Variants in RORA observed in about 807,000 individuals in gnomAD.
The protein encoded by RORA is nuclear receptor ROR-alpha.
In RORA, 7 loss-of-function variants were observed where a neutral mutation model predicts 69.5. The ratio of observed to expected loss-of-function variants is 0.10; its 90% CI spans 0.06 to 0.19. The LOEUF (loss-of-function observed/expected upper bound fraction) is 0.19, where lower values mean the gene tolerates loss of function less well. RORA is among the 10% of genes least tolerant of loss of function. RORA has a pLI of 1.00. For synonymous variants in RORA, 261 were observed against 240.8 expected (o/e 1.08, Z -0.78); for missense variants, 457 against 663.0 (o/e 0.69, Z 3.41).
At position 60,961,207 on chromosome 15, in the gene RORA, G is replaced by A. The variant is rs146311530; in HGVS notation, c.166+267846C>T. Among the ~76,000 whole-genome samples the A allele has an allele frequency of 2.5e-3, 380 of 152,172 alleles. 3 individuals carry two copies. The highest frequency in any genetic ancestry group is 8.8e-3 in the African/African-American group (364 of 41,504). ...CATGTTGTGTCATGCTGATCTCTGT[G>A]TGCATGGATTCTGATTGGACTGTTA... is the stretch of plus-strand genomic sequence containing the variant. On this transcript the variant is annotated intron_variant, in intron 1 of 10. Coordinates refer to ENST00000335670, the MANE Select transcript of RORA (RefSeq NM_134261.3).
chr15:60,958,090 G>A (rs997908929), intron 1 of RORA, among the ~76,000 whole-genome samples: 3 of 152,066 alleles, frequency 2.0e-5, no homozygotes, highest in Non-Finnish European at 4.4e-5. Context: ...TCAGAAACCT[G>A]ACTATGGGAG....
intron 1 of RORA, among the ~76,000 whole-genome samples, chr15:61,091,651 C>T (rs534168067): frequency 6.6e-6 from 1 of 152,330 alleles, no homozygotes; most frequent in South Asian, 2.1e-4. Context: ...GAAGCATTCG[C>T]ATGATGCTCT....
intron 1 of RORA, among the ~76,000 whole-genome samples, chr15:60,748,344 C>T (rs1463945956): frequency 1.4e-5 from 2 of 144,970 alleles, no homozygotes; most frequent in Non-Finnish European, 3.0e-5. Flanking sequence ...CATAAGGAGA[C>T]ATAAATTAGT....
chr15:60,841,223 AC>A, intron 1 of RORA: 1 of 287,104 alleles, frequency 3.5e-6, no homozygotes, highest in East Asian at 1.7e-4. Context: ...GTGGCTGTGA[AC>A]CCTCTCGGGG....
intron 1 of RORA, among the ~76,000 whole-genome samples, chr15:60,787,386 C>A (rs1485571009): frequency 6.6e-6 from 1 of 152,216 alleles, no homozygotes; most frequent in Non-Finnish European, 1.5e-5. Flanking sequence ...CTAACTGTGG[C>A]ATTTCTTCAC....
chr15:61,085,897 TA>T (rs1442930225), intron 1 of RORA, among the ~76,000 whole-genome samples: 3 of 152,200 alleles, frequency 2.0e-5, no homozygotes, highest in Non-Finnish European at 4.4e-5. Context: ...CTTGCAGTTA[TA>T]AAACAGAAAC....
At chr15:61,144,768 G>A (rs1190642921) in intron 1 of RORA, among the ~76,000 whole-genome samples, 1 of 152,100 alleles carries the variant, frequency 6.6e-6, no homozygotes, top group Non-Finnish European at 1.5e-5. Flanking sequence ...CTTTGACCCA[G>A]CACCACATTT....
At chr15:61,058,893 T>C (rs2078132604) in intron 1 of RORA, among the ~76,000 whole-genome samples, 2 of 152,232 alleles carry the variant, frequency 1.3e-5, no homozygotes, top group South Asian at 4.1e-4. Context: ...ATACCTGTTG[T>C]ACGAGGCAGG....
intron 2 of RORA, among the ~76,000 whole-genome samples, chr15:60,572,959 G>A (rs377100049): frequency 6.6e-6 from 1 of 152,142 alleles, no homozygotes; most frequent in Non-Finnish European, 1.5e-5. Flanking sequence ...AATTACACTG[G>A]CTGTGACACG....
intron 1 of RORA, among the ~76,000 whole-genome samples, chr15:60,728,905 T>C (rs186439208): frequency 3.3e-5 from 5 of 152,328 alleles, no homozygotes; most frequent in South Asian, 4.1e-4. Flanking sequence ...AATAAAATTA[T>C]AATATAAATG....
intron 1 of RORA, among the ~76,000 whole-genome samples, chr15:61,183,323 TCAGGCG>T (rs2079706144): frequency 6.6e-6 from 1 of 152,176 alleles, no homozygotes; most frequent in Non-Finnish European, 1.5e-5. Flanking sequence ...TCACCTGAGG[TCAGGCG>T]TTCCAGGCCA....
intron 1 of RORA, among the ~76,000 whole-genome samples, chr15:60,831,810 A>G (rs1326113208): frequency 6.6e-6 from 1 of 152,244 alleles, no homozygotes; most frequent in Non-Finnish European, 1.5e-5. Flanking sequence ...GGATGTCAGA[A>G]GAAATACTTG....
Position 60,565,020 on chromosome 15 carries a change from A to C in RORA, c.197-33169T>G, listed in dbSNP as rs556091270. ...ATGTTATCTATTGTATTCTACCAATATCTCAGCAAAAAGACAGAGTGTTCC... is the reference window on the plus strand; with the variant it reads ...ATGTTATCTATTGTATTCTACCAATCTCTCAGCAAAAAGACAGAGTGTTCC... On this transcript the variant is annotated intron_variant, in intron 2 of 10. Coordinates refer to ENST00000335670, the MANE Select transcript of RORA (RefSeq NM_134261.3). Among the ~76,000 whole-genome samples the C allele has an allele frequency of 4.6e-5, 7 of 152,164 alleles. No homozygotes were observed. The South Asian group carries it at 1.0e-3, about 23-fold the overall frequency.
chr15:61,037,408 G>A (rs973096950), intron 1 of RORA, among the ~76,000 whole-genome samples: 4 of 152,200 alleles, frequency 2.6e-5, no homozygotes, highest in East Asian at 1.9e-4. Context: ...ATTTCAGTAC[G>A]GTCAGCACCA....
At chr15:60,695,050 T>C (rs1038892387) in intron 1 of RORA, among the ~76,000 whole-genome samples, 2 of 152,110 alleles carry the variant, frequency 1.3e-5, no homozygotes, top group Non-Finnish European at 2.9e-5. Context: ...GGCACTATGT[T>C]AGGTGACAGG....
At chr15:60,574,317 G>A (rs1011489194) in intron 2 of RORA, among the ~76,000 whole-genome samples, 4 of 152,326 alleles carry the variant, frequency 2.6e-5, no homozygotes, top group African/African-American at 9.6e-5. Context: ...CACAGGAAGC[G>A]CTTTATAAAT....
rs1893842436 is a variant in RORA, at chr15:60,975,231, G to A, written c.166+253822C>T. 4.6e-5 allele frequency among the ~76,000 whole-genome samples: 7 copies of A among 152,226 alleles called. 1 individual carries two copies. The South Asian group carries it at 1.4e-3, about 32-fold the overall frequency. ...TTGGGGAGCAAGTCGCCTGGGCAGG[G>A]AGTAATGGGGGCCTAAACAATTTCA... On this transcript the variant is annotated intron_variant, in intron 1 of 10. Coordinates refer to ENST00000335670, the MANE Select transcript of RORA (RefSeq NM_134261.3).
intron 1 of RORA, among the ~76,000 whole-genome samples, chr15:61,130,617 C>A (rs7183068): frequency 0.55 from 83,912 of 151,946 alleles, 24,741 homozygotes; most frequent in Non-Finnish European, 0.68. Context: ...TAATTTCCTC[C>A]TCCATAAAAT....
intron 2 of RORA, among the ~76,000 whole-genome samples, chr15:60,623,373 T>C (rs1470482944): frequency 6.6e-6 from 1 of 152,228 alleles, no homozygotes. Flanking sequence ...ACAATTCTAT[T>C]GCACTTGCTT....
Sources: allele counts gnomAD v4.1 joint callset (sites outside exome capture counted in the v4.1 genomes callset), GRCh38; gene constraint gnomAD v4.1.1; transcripts MANE v1.5; gene names NCBI Gene and HGNC (gene_info 2026-07-23, HGNC 2026-07-21).